KIAA0513: variants seen among roughly 807,000 people sequenced by gnomAD.
The protein encoded by KIAA0513 is KIAA0513, also known as uncharacterized protein KIAA0513.
A neutral mutation model predicts 56.5 loss-of-function variants in KIAA0513; 39 were observed. The observed-to-expected ratio is 0.69, with a 90% CI of 0.53 to 0.90. KIAA0513 has a LOEUF of 0.90. Ranked by LOEUF, KIAA0513 falls within the 40% of genes least tolerant of loss-of-function variation. The pLI, the probability that KIAA0513 is intolerant of heterozygous loss-of-function variation, is 0.00. For missense variants in KIAA0513, 591 were observed against 535.2 expected, an observed-to-expected ratio of 1.10 and a Z score of -1.03; for synonymous variants, 268 against 215.6, an observed-to-expected ratio of 1.24 and a Z score of -2.13.
chr16:85,078,853 C>T, intron 7 of KIAA0513, 72 bp from the exon 8 acceptor site: 1 of 1,509,712 alleles, frequency 6.6e-7, no homozygotes, highest in East Asian at 2.3e-5. Context: ...TGCTGGGAGG[C>T]TGTCACCCGG....
intron 1 of KIAA0513, among the ~76,000 whole-genome samples, chr16:85,032,356 G>C (rs147251958): frequency 4.9e-4 from 74 of 152,316 alleles, no homozygotes; most frequent in African/African-American, 1.6e-3. Context: ...CTGTTTTCTT[G>C]AGACAGAGTC....
In KIAA0513 at chr16:85,074,588, ATT is replaced by A. The variant is rs1447253000; in HGVS notation, c.504-1252_504-1251del. On this transcript the variant is annotated intron_variant, in intron 4 of 12. Transcript: ENST00000683363. Reference sequence around the variant, plus strand: ...GAAGACCAACAAAAGGAGTATCCCTATTTTTCCTGCTCTTGCTCAGGATACCC... The same window carrying A: ...GAAGACCAACAAAAGGAGTATCCCTATTTCCTGCTCTTGCTCAGGATACCC... 2.0e-5 allele frequency among the ~76,000 whole-genome samples: 3 copies of A among 152,028 alleles called. No homozygotes were observed. In the East Asian group the frequency reaches 5.8e-4, roughly 29 times the overall value.
chr16:85,032,761 G>T (rs977843094), intron 1 of KIAA0513, among the ~76,000 whole-genome samples: 10 of 152,094 alleles, frequency 6.6e-5, no homozygotes, highest in African/African-American at 2.2e-4. Context: ...CTCCCGAGTA[G>T]CTGGGACTAC....
chr16:85,075,982 A>G, intron 5 of KIAA0513, 68 bp downstream of exon 5: 1 of 1,284,356 alleles, frequency 7.8e-7, no homozygotes, highest in Non-Finnish European at 1.1e-6. Flanking sequence ...GTGTCAGAGG[A>G]AGCTTTCTTC....
intron 1 of KIAA0513, among the ~76,000 whole-genome samples, chr16:85,062,369 G>A (rs1194413215): frequency 2.6e-5 from 4 of 152,198 alleles, no homozygotes; most frequent in Non-Finnish European, 5.9e-5. Context: ...GGTACAGGTT[G>A]ACTTAGAATT....
chr16:85,038,669 C>G (rs1015851727), intron 1 of KIAA0513, among the ~76,000 whole-genome samples: 4 of 144,368 alleles, frequency 2.8e-5, no homozygotes, highest in Non-Finnish European at 5.9e-5. Context: ...GATTGTGCCA[C>G]TGCACTCCAG....
intron 2 of KIAA0513, among the ~76,000 whole-genome samples, chr16:85,070,173 A>G (rs1181068839): frequency 1.4e-5 from 2 of 141,734 alleles, no homozygotes; most frequent in Admixed American, 7.3e-5. Flanking sequence ...CCTGTCTCAA[A>G]AAAAAAAAAA....
At chr16:85,056,972 T>G (rs1337981329) in intron 1 of KIAA0513, among the ~76,000 whole-genome samples, 1 of 152,214 alleles carries the variant, frequency 6.6e-6, no homozygotes, top group African/African-American at 2.4e-5. Flanking sequence ...CCCAAAGGGC[T>G]GGAATTACAG....
intron 1 of KIAA0513, among the ~76,000 whole-genome samples, chr16:85,054,239 A>T (rs2143939820): frequency 6.6e-6 from 1 of 152,268 alleles, no homozygotes; most frequent in South Asian, 2.1e-4. Flanking sequence ...TTATTGAAAG[A>T]ATGTCTTTTA....
chr16:85,050,142 C>T (rs1003550207), intron 1 of KIAA0513, among the ~76,000 whole-genome samples: 6 of 151,914 alleles, frequency 3.9e-5, no homozygotes, highest in African/African-American at 1.2e-4. Flanking sequence ...TGCACTGTCT[C>T]GGTGCCTGAA....
intron 1 of KIAA0513, among the ~76,000 whole-genome samples, chr16:85,065,779 G>A (rs1385469993): frequency 6.6e-5 from 10 of 152,132 alleles, no homozygotes; most frequent in South Asian, 2.1e-4. Context: ...TCTCCTTCCC[G>A]CCTAGCTGTC....
chr16:85,086,689 C>T lies in KIAA0513; in HGVS notation c.1056C>T (p.Leu352=). 6.2e-7 allele frequency: 1 copy of T among 1,613,956 alleles called. No homozygotes were observed. The highest frequency in any genetic ancestry group is 8.5e-7 in the Non-Finnish European group (1 of 1,180,016). Residue 352 remains leucine, a synonymous_variant, in exon 11 of 13, where the codon CTC becomes CTT. Coordinates refer to ENST00000683363, the MANE Select transcript of KIAA0513 (RefSeq NM_001388359.1). ...CCCAGGAGGAGCGCGACGACAGCCTCCGGTTCAACGAGAACATCACCTTCG... is the reference window on the plus strand; with the variant it reads ...CCCAGGAGGAGCGCGACGACAGCCTTCGGTTCAACGAGAACATCACCTTCG... The part of the protein sequence containing the change: ...HMTQEERDDS[L]RFNENITFGQ...
intron 4 of KIAA0513, among the ~76,000 whole-genome samples, chr16:85,074,167 G>C (rs902280710): frequency 8.6e-5 from 13 of 151,814 alleles, no homozygotes; most frequent in African/African-American, 2.7e-4. Flanking sequence ...TAGAGACAGG[G>C]TTTCACCATG....
chr16:85,077,442 C>A lies in KIAA0513; in HGVS notation c.592C>A (p.Pro198Thr). Residue 198 changes from proline (P) to threonine (T), a missense_variant, in exon 6 of 13, where the codon CCC becomes ACC. Physicochemically the swap from Pro to Thr is conservative, Grantham distance 38. Transcript: ENST00000683363. The part of the protein sequence containing the change: ...YYHIGKPQLL[P>T]PESREKPAGS... ...CATCCAAGGAAAACCACAGCTGCTG[C>A]CCCCGGAGTCCCGGGAGAAGCCCGC... 6.2e-7 allele frequency: 1 copy of A among 1,613,896 alleles called. No homozygotes were observed. The highest frequency in any genetic ancestry group is 1.3e-5 in the African/African-American group (1 of 75,052).
At chr16:85,047,266 G>A (rs1383706139) in intron 1 of KIAA0513, among the ~76,000 whole-genome samples, 1 of 152,206 alleles carries the variant, frequency 6.6e-6, no homozygotes, top group Non-Finnish European at 1.5e-5. Context: ...GTCTGTGCTT[G>A]AGGGCTCTGT....
chr16:85,084,973 T>C (rs2073792005), intron 10 of KIAA0513, among the ~76,000 whole-genome samples: 1 of 152,234 alleles, frequency 6.6e-6, no homozygotes, highest in African/African-American at 2.4e-5. Context: ...AGCTTTCGTC[T>C]TCACCATGGC....
At chr16:85,039,050 G>C (rs2073072362) in intron 1 of KIAA0513, among the ~76,000 whole-genome samples, 1 of 152,172 alleles carries the variant, frequency 6.6e-6, no homozygotes, top group African/African-American at 2.4e-5. Context: ...AGCTCCCTGA[G>C]GGCCAGGCTT....
At position 85,081,330 on chromosome 16, in the gene KIAA0513, C is replaced by G. The variant is rs752259592; in HGVS notation, c.918C>G (p.Phe306Leu). ...TGTCTTGCAGGCACACTCTGAGGTT[C>G]TGGAATGCAGCCTTTTTTGACGCTG... ...KQQPIWHTLR[F>L]WNAAFFDAVH... The change falls in exon 9 of 13, where the codon TTC becomes TTG. Residue 306 changes from phenylalanine (F) to leucine (L), a missense_variant. Phe to Leu is a conservative substitution (Grantham distance 22). Transcript: ENST00000683363. The surrounding 1 kb of genome is among the most constrained non-coding windows in gnomAD (Gnocchi z 4.4). The G allele has an allele frequency of 1.2e-6, 2 of 1,610,616 alleles. No homozygotes were observed. The highest frequency in any genetic ancestry group is 8.5e-7 in the Non-Finnish European group (1 of 1,178,514).
At chr16:85,049,635 C>T (rs145565415) in intron 1 of KIAA0513, among the ~76,000 whole-genome samples, 1 of 152,178 alleles carries the variant, frequency 6.6e-6, no homozygotes, top group African/African-American at 2.4e-5. Flanking sequence ...CCACGTAGGA[C>T]GTGGCTGCTC....
Sources: gnomAD v4.1 joint callset for allele counts (sites outside exome capture counted in the v4.1 genomes callset) on GRCh38, gnomAD v4.1.1 for gene constraint, Gnocchi (gnomAD v3.1) non-coding constraint, MANE v1.5 for transcripts, NCBI Gene and HGNC (gene_info 2026-07-23, HGNC 2026-07-21) for gene names.